Variants in QTMAN observed in about 807,000 individuals in gnomAD.
QTMAN encodes the protein tRNA-queuosine alpha-mannosyltransferase.
the QTMAN span, among the ~76,000 whole-genome samples, chr2:144,142,295 T>C: frequency 6.6e-6 from 1 of 151,938 alleles, no homozygotes; most frequent in Non-Finnish European, 1.5e-5. Flanking sequence ...GGAAATAGAA[T>C]GATTTAATGG....
the QTMAN span, among the ~76,000 whole-genome samples, chr2:143,962,654 G>A: frequency 6.6e-6 from 1 of 152,122 alleles, no homozygotes; most frequent in Non-Finnish European, 1.5e-5. Context: ...AAAAGGGCAA[G>A]AACTGGAAAA....
the QTMAN span, among the ~76,000 whole-genome samples, chr2:144,217,769 G>A: frequency 6.6e-6 from 1 of 152,104 alleles, no homozygotes; most frequent in African/African-American, 2.4e-5. Flanking sequence ...CAATACTGAA[G>A]ATTCACATGC....
At chr2:144,179,145 T>C in the QTMAN span, among the ~76,000 whole-genome samples, 3 of 152,158 alleles carry the variant, frequency 2.0e-5, no homozygotes, top group South Asian at 2.1e-4. Context: ...ACCTCCTTGA[T>C]TGAGGTCACT....
the QTMAN span, among the ~76,000 whole-genome samples, chr2:144,285,836 G>C: frequency 6.6e-6 from 1 of 152,222 alleles, no homozygotes; most frequent in African/African-American, 2.4e-5. Context: ...AAATGATGTA[G>C]CCAACTATTT....
chr2:144,285,762 A>C, the QTMAN span, among the ~76,000 whole-genome samples: 1 of 152,232 alleles, frequency 6.6e-6, no homozygotes, highest in African/African-American at 2.4e-5. Flanking sequence ...ACTATTGAGC[A>C]TTTTGGCCCC....
the QTMAN span, among the ~76,000 whole-genome samples, chr2:144,032,624 G>A: frequency 1.3e-5 from 2 of 152,208 alleles, no homozygotes; most frequent in African/African-American, 2.4e-5. Context: ...GGTAGAGGAT[G>A]TGGTTTGGTA....
the QTMAN span, among the ~76,000 whole-genome samples, chr2:143,980,397 A>G: frequency 3.3e-5 from 5 of 152,166 alleles, no homozygotes; most frequent in Non-Finnish European, 7.3e-5. Context: ...AGTTTTACCT[A>G]TTCATGTCTG....
the QTMAN span, among the ~76,000 whole-genome samples, chr2:144,202,334 T>C: frequency 6.6e-6 from 1 of 152,202 alleles, no homozygotes; most frequent in Non-Finnish European, 1.5e-5. Context: ...AAGACCTTAA[T>C]AAAAGCAGAA....
At chr2:143,992,864 C>A in the QTMAN span, among the ~76,000 whole-genome samples, 6 of 152,134 alleles carry the variant, frequency 3.9e-5, no homozygotes, top group African/African-American at 1.2e-4. Context: ...AAGTTCCAAA[C>A]AGGAATATGG....
At chr2:144,245,005 T>C in the QTMAN span, among the ~76,000 whole-genome samples, 1 of 152,226 alleles carries the variant, frequency 6.6e-6, no homozygotes, top group African/African-American at 2.4e-5. Context: ...AACCTCTTTA[T>C]GCTTCAATTT....
At chr2:144,253,575 A>C in the QTMAN span, among the ~76,000 whole-genome samples, 1 of 152,146 alleles carries the variant, frequency 6.6e-6, no homozygotes, top group Non-Finnish European at 1.5e-5. Flanking sequence ...TGGGAAATAG[A>C]GTAAAGTTCA....
chr2:144,305,285 A>G, the QTMAN span, among the ~76,000 whole-genome samples: 1 of 152,202 alleles, frequency 6.6e-6, no homozygotes, highest in African/African-American at 2.4e-5. Flanking sequence ...AATATATAGT[A>G]CATGAAAGGG....
At chr2:143,979,738 A>G in the QTMAN span, among the ~76,000 whole-genome samples, 10 of 152,250 alleles carry the variant, frequency 6.6e-5, no homozygotes, top group East Asian at 1.9e-3. Flanking sequence ...TCATTTTAAA[A>G]TAGTTCTAAT....
chr2:144,216,872 G>C, the QTMAN span, among the ~76,000 whole-genome samples: 2 of 152,020 alleles, frequency 1.3e-5, no homozygotes, highest in Non-Finnish European at 2.9e-5. Context: ...TTTAATTTGA[G>C]AAGTGGAAGT....
At chr2:144,201,664 A>G in the QTMAN span, among the ~76,000 whole-genome samples, 1 of 152,206 alleles carries the variant, frequency 6.6e-6, no homozygotes, top group Non-Finnish European at 1.5e-5. Flanking sequence ...CACCAGTGCT[A>G]GCATAGGCAC....
chr2:144,002,302 G>C, the QTMAN span, among the ~76,000 whole-genome samples: 2 of 152,030 alleles, frequency 1.3e-5, no homozygotes, highest in African/African-American at 2.4e-5. Flanking sequence ...GTATTTGTAT[G>C]CTTGTTTGAG....
the QTMAN span, among the ~76,000 whole-genome samples, chr2:144,115,280 C>T: frequency 2.6e-5 from 4 of 152,166 alleles, no homozygotes; most frequent in South Asian, 2.1e-4. Context: ...GAAATCTCTA[C>T]GGTGGTTGTC....
At chr2:144,111,037 T>G in the QTMAN span, among the ~76,000 whole-genome samples, 25,255 of 152,038 alleles carry the variant, frequency 0.17, 4,036 homozygotes, top group African/African-American at 0.41. Context: ...GTGCAAAAAA[T>G]CCAAAGAAAA....
the QTMAN span, among the ~76,000 whole-genome samples, chr2:144,215,616 T>C: frequency 1.3e-5 from 2 of 152,228 alleles, no homozygotes; most frequent in Non-Finnish European, 2.9e-5. Flanking sequence ...TAACCCTCTT[T>C]CAATTTTTTA....
Sources: allele counts gnomAD v4.1 joint callset (sites outside exome capture counted in the v4.1 genomes callset), GRCh38; gene constraint gnomAD v4.1.1; transcripts MANE v1.5; gene names NCBI Gene and HGNC (gene_info 2026-07-23, HGNC 2026-07-21).